The following LRPPRC variants were observed in gnomAD, a reference collection of about 807,000 sequenced individuals.
The protein encoded by LRPPRC is leucine-rich PPR motif-containing protein, mitochondrial.
LRPPRC carries 120 observed loss-of-function variants against 180.3 expected under a neutral mutation model. That is an observed-to-expected ratio of 0.67 (90% confidence interval 0.57 to 0.77). The LOEUF is 0.77. Ranked by LOEUF, LRPPRC falls within the 30% of genes least tolerant of loss-of-function variation. The pLI, the probability that LRPPRC is intolerant of heterozygous loss-of-function variation, is 0.00. For missense variants in LRPPRC, 2,012 were observed against 1,657.2 expected, an observed-to-expected ratio of 1.21 and a Z score of -3.72; for synonymous variants, 723 against 600.0, an observed-to-expected ratio of 1.21 and a Z score of -3.00.
At position 43,899,594 on chromosome 2, in the gene LRPPRC, T is replaced by C. The variant is rs1670815295; in HGVS notation, c.3581A>G (p.Asp1194Gly). 6.2e-7 allele frequency: 1 copy of C among 1,609,336 alleles called. No individual in the cohort carries two copies. The highest frequency in any genetic ancestry group is 1.7e-5 in the Admixed American group (1 of 60,012). ...ALAQIKNNNIDAAIENIENML... is the reference protein window; with the variant it reads ...ALAQIKNNNIGAAIENIENML... ...ATTTTCAATGTTTTCTATTGCGGCATCTATGTTATTACTGTTAAAAGCAAA... is the reference window on the plus strand; with the variant it reads ...ATTTTCAATGTTTTCTATTGCGGCACCTATGTTATTACTGTTAAAAGCAAA... Residue 1194 changes from aspartate to glycine, a missense_variant, in exon 33 of 38, where the codon GAT becomes GGT. Coordinates refer to ENST00000260665, the MANE Select transcript of LRPPRC (RefSeq NM_133259.4).
chr2:43,894,643 TA>T lies in LRPPRC; in HGVS notation c.3901-15del. 7.5e-7 allele frequency: 1 copy of T among 1,338,092 alleles called. No individual in the cohort carries two copies. Among genetic ancestry groups the T allele is most frequent in the South Asian group, 1.2e-5 (1 of 85,336 alleles). The allele number at this position is 1,338,092 out of a possible 1,614,324, so 82.9% of individuals were successfully genotyped here. ...CACAGTTGATGCCTAGGAAATTACATAAAGGTAATATTATGAAAACCGCAAA... is the reference window on the plus strand; with the variant it reads ...CACAGTTGATGCCTAGGAAATTACATAAGGTAATATTATGAAAACCGCAAA... On this transcript the variant is annotated splice_polypyrimidine_tract_variant and intron_variant, in intron 35 of 37. Coordinates refer to ENST00000260665, the MANE Select transcript of LRPPRC (RefSeq NM_133259.4).
chr2:43,975,799 T>C (rs1449171768), intron 6 of LRPPRC, among the ~76,000 whole-genome samples: 11 of 152,044 alleles, frequency 7.2e-5, no homozygotes, highest in Admixed American at 7.2e-4. Context: ...GCCAAGCTGG[T>C]CTTGAACTCC....
intron 34 of LRPPRC, 107 bp downstream of exon 34, chr2:43,899,112 A>G (rs1224272467): frequency 2.6e-6 from 2 of 769,602 alleles, no homozygotes; most frequent in Non-Finnish European, 4.5e-6. Context: ...CTAGCTGCAC[A>G]CCACACTGAA....
Position 43,982,314 on chromosome 2 carries a change from T to C in LRPPRC, c.270A>G (p.Leu90=), listed in dbSNP as rs767034002. The change falls in exon 2 of 38, where the codon CTA becomes CTG. Residue 90 remains leucine (L), a synonymous_variant. Coordinates refer to ENST00000260665, the MANE Select transcript of LRPPRC (RefSeq NM_133259.4). ...SNQFDWALMR[L]DLSVRRTGRI... is the part of the protein sequence containing the mutation. ...GGCCAGTTCTTCGAACAGAAAGATCTAGTCTCATTAGAGCCCAATCAAACT... is the reference window on the plus strand; with the variant it reads ...GGCCAGTTCTTCGAACAGAAAGATCCAGTCTCATTAGAGCCCAATCAAACT... 7 of 1,609,610 alleles carry C rather than the reference T, an allele frequency of 4.3e-6. No homozygotes were observed. The highest frequency in any genetic ancestry group is 1.1e-5 in the South Asian group (1 of 89,894).
Position 43,905,716 on chromosome 2 carries a change from GC to G in LRPPRC, c.3339del (p.Gln1114LysfsTer7). ...NDAANSRLII[T>X]QVRRDYLKEA... is the part of the protein sequence containing the mutation. ...CCTTTCAAATAATCCCGCCTAACTT[GC>G]GTTATGATGAGGCGGCTGTTGGCAG... On this transcript the variant is annotated frameshift_variant, in exon 31 of 38. Coordinates refer to ENST00000260665, the MANE Select transcript of LRPPRC (RefSeq NM_133259.4). LOFTEE classifies it high-confidence loss of function. The G allele has an allele frequency of 1.9e-6, 3 of 1,613,724 alleles. No homozygotes were observed. The highest frequency in any genetic ancestry group is 2.5e-6 in the Non-Finnish European group (3 of 1,179,618).
rs549770453 is a variant in LRPPRC, at chr2:43,982,199, G to A, written c.346+39C>T. 12 of 1,466,422 alleles carry A rather than the reference G, an allele frequency of 8.2e-6. No individual in the cohort carries two copies. In the East Asian group the frequency reaches 2.5e-4, roughly 31 times the overall value. The allele number at this position is 1,466,422 out of a possible 1,614,324, so 90.8% of individuals were successfully genotyped here. A position where few individuals can be genotyped will look rare whatever the true frequency, so the allele number is the denominator to read the frequency against. On this transcript the variant is annotated intron_variant, in intron 2 of 37. Transcript: ENST00000260665. The stretch of plus-strand genomic sequence containing the variant: ...TTACAGGCCTGAGCCACTGTGACCA[G>A]CCAAAAGTCAACTTTATGAACAGGA...
rs766638519 is a variant in LRPPRC at position 43,973,625 on chromosome 2, T to C, written c.1351A>G (p.Lys451Glu). Residue 451 changes from lysine to glutamate, a missense_variant, in exon 11 of 38, where the codon AAG becomes GAG. Lys to Glu is a moderately conservative substitution (Grantham distance 56, BLOSUM62 1). Transcript: ENST00000260665. ...ATCTAACCTTGAACATTTTTTTCCT[T>C]CCGACGTCCAACTAGCAATGGCCAG... ...YFWPLLVGRR[K>E]EKNVQGIIEI... 1 of 1,613,402 alleles carries C rather than the reference T, an allele frequency of 6.2e-7. No homozygotes were observed. Among genetic ancestry groups the C allele is most frequent in the Non-Finnish European group, 8.5e-7 (1 of 1,179,316 alleles).
intron 30 of LRPPRC, among the ~76,000 whole-genome samples, chr2:43,908,327 AAGAAACTAAAAATGAAAGAAAG>A (rs1446954951): frequency 6.6e-6 from 1 of 152,228 alleles, no homozygotes; most frequent in Non-Finnish European, 1.5e-5. Context: ...TTGAAACATG[AAGAAACTAAAAATGAAAGAAAG>A]ATGGCTTATT....
At chr2:43,947,464 A>G (rs1021236071) in intron 19 of LRPPRC, 94 bp from the exon 20 acceptor site, 1 of 715,626 alleles carries the variant, frequency 1.4e-6, no homozygotes, top group Non-Finnish European at 2.5e-6. Flanking sequence ...TTTCCTTTCT[A>G]CCTTCCTAAA....
At chr2:43,956,737 A>C (rs549392649) in intron 14 of LRPPRC, among the ~76,000 whole-genome samples, 1 of 152,146 alleles carries the variant, frequency 6.6e-6, no homozygotes, top group South Asian at 2.1e-4. Flanking sequence ...TAAAAATACA[A>C]AACTTAGCCA....
intron 1 of LRPPRC, 174 bp downstream of exon 1, chr2:43,995,625 A>G (rs1675015761): frequency 3.5e-6 from 2 of 573,438 alleles, no homozygotes; most frequent in Admixed American, 4.4e-5. Flanking sequence ...AAGGCGCTTA[A>G]CCCTGTCACC....
chr2:43,926,043 C>G (rs1671865846), intron 25 of LRPPRC, 82 bp from the exon 26 acceptor site: 1 of 829,392 alleles, frequency 1.2e-6, no homozygotes, highest in Non-Finnish European at 2.1e-6. Flanking sequence ...AGTTTCTTTT[C>G]TTATGAATTT....
intron 8 of LRPPRC, 47 bp downstream of exon 8, chr2:43,974,567 A>G: frequency 7.8e-7 from 1 of 1,282,468 alleles, no homozygotes. Flanking sequence ...AAGAATAGCA[A>G]TTCAGATTTT....
chr2:43,905,906 C>T (rs759668080), intron 30 of LRPPRC, 126 bp from the exon 31 acceptor site: 17 of 740,388 alleles, frequency 2.3e-5, no homozygotes, highest in Non-Finnish European at 3.9e-5. Flanking sequence ...TGCAAAATAT[C>T]GACCTGGAGA....
chr2:43,951,028 C>T (rs924766143), intron 14 of LRPPRC, among the ~76,000 whole-genome samples: 13 of 152,032 alleles, frequency 8.6e-5, no homozygotes, highest in Admixed American at 2.0e-4. Context: ...CGAGATCGTG[C>T]CACTGCACTC....
At chr2:43,913,281 T>G (rs1030632217) in intron 29 of LRPPRC, among the ~76,000 whole-genome samples, 1 of 152,152 alleles carries the variant, frequency 6.6e-6, no homozygotes, top group African/African-American at 2.4e-5. Context: ...TTTTCTGAAA[T>G]AAAACTGCCT....
chr2:43,953,784 C>A (rs1449848880), intron 14 of LRPPRC, among the ~76,000 whole-genome samples: 1 of 151,964 alleles, frequency 6.6e-6, no homozygotes, highest in African/African-American at 2.4e-5. Flanking sequence ...ATACATAATC[C>A]AATCACTAAA....
At chr2:43,931,170 C>A (rs1672073693) in intron 25 of LRPPRC, among the ~76,000 whole-genome samples, 1 of 152,132 alleles carries the variant, frequency 6.6e-6, no homozygotes, top group Admixed American at 6.6e-5. Context: ...TTACTAAATG[C>A]CTGTCATGTG....
chr2:43,955,210 G>C (rs1408523690), intron 14 of LRPPRC, among the ~76,000 whole-genome samples: 3 of 152,092 alleles, frequency 2.0e-5, no homozygotes, highest in African/African-American at 4.8e-5. Flanking sequence ...GCTCACACCT[G>C]CAATACCAGC....
Sources: gnomAD v4.1 joint callset for allele counts (sites outside exome capture counted in the v4.1 genomes callset) on GRCh38, gnomAD v4.1.1 for gene constraint, MANE v1.5 for transcripts, NCBI Gene and HGNC (gene_info 2026-07-23, HGNC 2026-07-21) for gene names.